FAM171A1: variants seen among roughly 807,000 people sequenced by gnomAD.
The protein encoded by FAM171A1 is family with sequence similarity 171 member A1.
A neutral mutation model predicts 74.9 loss-of-function variants in FAM171A1; 23 were observed. That is an observed-to-expected ratio of 0.31 (90% CI 0.22 to 0.44). The LOEUF (loss-of-function observed/expected upper bound fraction) is 0.44, where lower values mean the gene tolerates loss of function less well. Ranked by LOEUF, FAM171A1 falls within the 20% of genes least tolerant of loss-of-function variation. The pLI, the probability that FAM171A1 is intolerant of heterozygous loss-of-function variation, is 1.00. For missense variants in FAM171A1, 1,162 were observed against 1,159.2 expected (o/e 1.00, Z -0.03); for synonymous variants, 527 against 505.7 (o/e 1.04, Z -0.57).
At position 15,296,962 on chromosome 10, in the gene FAM171A1, G is replaced by A. The variant is rs980850661; in HGVS notation, c.98-12857C>T. On this transcript the variant is annotated intron_variant, in intron 1 of 7. Coordinates refer to ENST00000378116, the MANE Select transcript of FAM171A1 (RefSeq NM_001010924.2). ...GGTAGACTCGACAGCTACAGCTTCA[G>A]TTTGAAATAGGATGAGAAGAGACCA... is the stretch of plus-strand genomic sequence containing the variant. Among the ~76,000 whole-genome samples the A allele has an allele frequency of 2.0e-5, 3 of 152,258 alleles. No homozygotes were observed. The South Asian group carries it at 6.2e-4, about 32-fold the overall frequency.
chr10:15,283,022 T>C (rs1218250285), intron 2 of FAM171A1, among the ~76,000 whole-genome samples: 1 of 152,184 alleles, frequency 6.6e-6, no homozygotes, highest in Non-Finnish European at 1.5e-5. Context: ...CAGCAGCAAT[T>C]TGAACTAAAT....
chr10:15,252,198 C>G (rs1407132770), intron 4 of FAM171A1, among the ~76,000 whole-genome samples: 1 of 152,088 alleles, frequency 6.6e-6, no homozygotes, highest in Admixed American at 6.6e-5. Flanking sequence ...CGATGCTCTC[C>G]GGTGAGAGGA....
At chr10:15,272,103 C>G (rs1039215028) in intron 3 of FAM171A1, among the ~76,000 whole-genome samples, 10 of 152,068 alleles carry the variant, frequency 6.6e-5, no homozygotes, top group South Asian at 2.1e-4. Context: ...ATTGGATAAA[C>G]AGTCAAGACC....
At chr10:15,255,006 TC>T (rs1258164474) in intron 3 of FAM171A1, 127 bp from the exon 4 acceptor site, 5 of 729,358 alleles carry the variant, frequency 6.9e-6, no homozygotes, top group Admixed American at 2.7e-5. Context: ...TCACAAGGCC[TC>T]CCTTCCCCCA....
intron 1 of FAM171A1, among the ~76,000 whole-genome samples, chr10:15,364,571 A>G (rs1836036343): frequency 6.6e-6 from 1 of 152,162 alleles, no homozygotes; most frequent in Non-Finnish European, 1.5e-5. Flanking sequence ...TTAGTTCCCT[A>G]TTGCTGCCAT....
At chr10:15,320,310 T>C (rs754902410) in intron 1 of FAM171A1, among the ~76,000 whole-genome samples, 5 of 152,278 alleles carry the variant, frequency 3.3e-5, no homozygotes, top group Non-Finnish European at 5.9e-5. Flanking sequence ...TCATTCTTTT[T>C]AACGGCTGCA....
At chr10:15,284,133 G>T in intron 1 of FAM171A1, 28 bp from the exon 2 acceptor site, 1 of 1,599,432 alleles carries the variant, frequency 6.3e-7, no homozygotes. Context: ...ACAAAGAACA[G>T]CTACTGTCAA....
intron 1 of FAM171A1, among the ~76,000 whole-genome samples, chr10:15,370,656 C>T (rs902214264): frequency 6.6e-6 from 1 of 151,430 alleles, no homozygotes; most frequent in Middle Eastern, 3.4e-3. Context: ...GACCCCCGGG[C>T]GCATCCAGAC....
chr10:15,248,837 C>A (rs770468583), intron 4 of FAM171A1, 22 bp from the exon 5 acceptor site: 5 of 1,587,744 alleles, frequency 3.1e-6, no homozygotes, highest in Non-Finnish European at 4.3e-6. Flanking sequence ...AGGCATTTTC[C>A]ATCATTTGCA....
chr10:15,371,084 C>A lies in FAM171A1; in HGVS notation c.-32G>T, dbSNP rs949590509. On this transcript the variant is annotated 5_prime_UTR_variant, in exon 1 of 8. Transcript: ENST00000378116. ...CGCGGGGCCGGCGGCGGCTCGGGCT[C>A]GCCGAGAGCGGGCCGGGCGGCGGCG... is the stretch of plus-strand genomic sequence containing the variant. 5.1e-6 allele frequency: 5 copies of A among 971,866 alleles called. No homozygotes were observed. The highest frequency in any genetic ancestry group is 6.1e-6 in the Non-Finnish European group (5 of 813,694). The allele number at this position is 971,866 out of a possible 1,614,324, so 60.2% of individuals were successfully genotyped here. A position where few individuals can be genotyped will look rare whatever the true frequency, so the allele number is the denominator to read the frequency against.
chr10:15,242,707 CT>C (rs1373515864), intron 5 of FAM171A1, among the ~76,000 whole-genome samples: 1 of 152,080 alleles, frequency 6.6e-6, no homozygotes, highest in Non-Finnish European at 1.5e-5. Flanking sequence ...GGGAGGATTG[CT>C]TGAGCTTGGG....
intron 2 of FAM171A1, among the ~76,000 whole-genome samples, chr10:15,280,093 A>G (rs986170998): frequency 4.6e-5 from 7 of 152,068 alleles, no homozygotes; most frequent in South Asian, 2.1e-4. Context: ...TCTCAAAAAG[A>G]AGAAAAAAAC....
intron 4 of FAM171A1, among the ~76,000 whole-genome samples, chr10:15,249,395 C>T (rs898242167): frequency 3.9e-5 from 6 of 152,092 alleles, no homozygotes; most frequent in East Asian, 1.9e-4. Flanking sequence ...CCACTGTGCC[C>T]GGTCAGGCTT....
chr10:15,300,625 A>G (rs1293107680), intron 1 of FAM171A1, among the ~76,000 whole-genome samples: 3 of 150,520 alleles, frequency 2.0e-5, no homozygotes, highest in Non-Finnish European at 4.4e-5. Context: ...ATAAACAAAA[A>G]AAAAACTAGA....
rs140297519 is a variant in FAM171A1 at position 15,254,372 on chromosome 10, G to A, written c.577+349C>T. Among the ~76,000 whole-genome samples, 377 of 152,122 alleles carry A rather than the reference G, an allele frequency of 2.5e-3. 2 individuals are homozygous for A. Among genetic ancestry groups the A allele is most frequent in the African/African-American group, 8.8e-3 (364 of 41,480 alleles). On this transcript the variant is annotated intron_variant, in intron 4 of 7. Coordinates refer to ENST00000378116, the MANE Select transcript of FAM171A1 (RefSeq NM_001010924.2). Reference sequence around the variant, plus strand: ...CGTGGGACGAGGCAGAGGGCAGCTGGGCCAAAAACCCTAAGTCTAATCTTA... The same window carrying A: ...CGTGGGACGAGGCAGAGGGCAGCTGAGCCAAAAACCCTAAGTCTAATCTTA...
At chr10:15,250,539 C>T (rs543915158) in intron 4 of FAM171A1, among the ~76,000 whole-genome samples, 1 of 152,342 alleles carries the variant, frequency 6.6e-6, no homozygotes, top group South Asian at 2.1e-4. Context: ...AGGCAGGTTG[C>T]TTGAGCCCAG....
In FAM171A1 at chr10:15,284,232, T is replaced by A. The variant is rs148100690; in HGVS notation, c.98-127A>T. ...GACATCAAGGTTGACACTCAAAATATGCAGTTTTTACCAGAGACATTTTCT... is the reference window on the plus strand; with the variant it reads ...GACATCAAGGTTGACACTCAAAATAAGCAGTTTTTACCAGAGACATTTTCT... On this transcript the variant is annotated intron_variant, in intron 1 of 7. Transcript: ENST00000378116. 1.2e-4 allele frequency: 94 copies of A among 799,854 alleles called. 1 individual carries two copies. In the African/African-American group the frequency reaches 1.2e-3, roughly 10 times the overall value. The allele number at this position is 799,854 out of a possible 1,614,324, so 49.5% of individuals were successfully genotyped here.
At chr10:15,320,357 T>C (rs1835472784) in intron 1 of FAM171A1, among the ~76,000 whole-genome samples, 1 of 152,250 alleles carries the variant, frequency 6.6e-6, no homozygotes, top group African/African-American at 2.4e-5. Flanking sequence ...CACTGTCTTC[T>C]TCCAGTCCAC....
chr10:15,229,340 A>G (rs1263362337), intron 5 of FAM171A1, among the ~76,000 whole-genome samples: 1 of 152,168 alleles, frequency 6.6e-6, no homozygotes, highest in Non-Finnish European at 1.5e-5. Context: ...TGGAGTGAGC[A>G]CTAGCTCGTT....
Sources: allele counts gnomAD v4.1 joint callset (sites outside exome capture counted in the v4.1 genomes callset), GRCh38; gene constraint gnomAD v4.1.1; transcripts MANE v1.5; gene names NCBI Gene and HGNC (gene_info 2026-07-23, HGNC 2026-07-21).